FRMPD4: variants seen among roughly 807,000 people sequenced by gnomAD.
FRMPD4 encodes FERM and PDZ domain containing 4.
Under a neutral mutation model 94.1 loss-of-function variants are expected in FRMPD4, and 22 were observed. The observed-to-expected ratio is 0.23, with a 90% CI of 0.17 to 0.33. The LOEUF is 0.33. FRMPD4 is among the 10% of genes least tolerant of loss of function. FRMPD4 has a pLI of 1.00. For synonymous variants in FRMPD4, 631 were observed against 548.6 expected (o/e 1.15, Z -2.10); for missense variants, 1,111 against 1,339.9 (o/e 0.83, Z 2.67).
At chrX:12,477,787 T>C (rs142398766) in intron 1 of FRMPD4, among the ~76,000 whole-genome samples, 1,488 of 113,027 alleles carry the variant, frequency 0.013, 20 homozygotes, top group Non-Finnish European at 0.022. Flanking sequence ...TATGACTGTT[T>C]TGATGAGCTA....
At chrX:12,095,206 G>A (rs750329063) in intron 3 of FRMPD4, among the ~76,000 whole-genome samples, 1 of 110,292 alleles carries the variant, frequency 9.1e-6, no homozygotes, top group South Asian at 3.9e-4. Flanking sequence ...GTGAGACCCT[G>A]TCTCTATAAA....
At chrX:11,900,802 G>T (rs755801913) in intron 3 of FRMPD4, among the ~76,000 whole-genome samples, 2 of 111,361 alleles carry the variant, frequency 1.8e-5, no homozygotes, top group South Asian at 7.7e-4. Flanking sequence ...GAGAGGCTAA[G>T]ATGCTGTGAT....
chrX:12,303,287 T>C (rs1193133410), intron 1 of FRMPD4, among the ~76,000 whole-genome samples: 7 of 112,144 alleles, frequency 6.2e-5, no homozygotes, highest in Admixed American at 1.9e-4. Context: ...TAAGATCTTT[T>C]CCCACAAGCC....
intron 3 of FRMPD4, among the ~76,000 whole-genome samples, chrX:12,119,802 A>G (rs189424951): frequency 1.8e-5 from 2 of 112,412 alleles, no homozygotes; most frequent in East Asian, 5.5e-4. Flanking sequence ...CTATGTGCGG[A>G]GATATTCTTG....
At position 12,707,628 on chromosome X, in the gene FRMPD4, G is replaced by C; in HGVS notation, c.1447G>C (p.Glu483Gln). 1 of 1,206,574 alleles carries C rather than the reference G, an allele frequency of 8.3e-7. No homozygotes were observed. The highest frequency in any genetic ancestry group is 1.7e-5 in the African/African-American group (1 of 57,798). The change falls in exon 13 of 17, where the codon GAA becomes CAA. Residue 483 changes from glutamate to glutamine, a missense_variant. Physicochemically the swap from Glu to Gln is conservative, Grantham distance 29. Transcript: ENST00000675598. Reference protein sequence around the residue: ...FSEEESLVRVELHVLDVKPIT... With the variant: ...FSEEESLVRVQLHVLDVKPIT... ...CGAGGAGGAGAGCTTGGTGCGGGTAGAACTCCACGTGCTAGATGTGAAGGC... is the reference window on the plus strand; with the variant it reads ...CGAGGAGGAGAGCTTGGTGCGGGTACAACTCCACGTGCTAGATGTGAAGGC...
At chrX:12,416,751 T>C (rs1415159979) in intron 1 of FRMPD4, among the ~76,000 whole-genome samples, 1 of 111,991 alleles carries the variant, frequency 8.9e-6, no homozygotes, top group Non-Finnish European at 1.9e-5. Flanking sequence ...AAAAACATTT[T>C]TGAAGGTATC....
chrX:11,914,567 A>G (rs919610441), intron 3 of FRMPD4, among the ~76,000 whole-genome samples: 1 of 111,868 alleles, frequency 8.9e-6, no homozygotes, highest in Non-Finnish European at 1.9e-5. Flanking sequence ...AAGCAAAACC[A>G]ACTGGTGTCC....
rs752310876 is a variant in FRMPD4, at chrX:11,902,444, C to T, written c.95+24426C>T. 4.0e-4 allele frequency among the ~76,000 whole-genome samples: 45 copies of T among 111,685 alleles called. No homozygotes were observed. In the South Asian group the frequency reaches 6.5e-3, roughly 16 times the overall value. On this transcript the variant is annotated intron_variant, in intron 3 of 18. Coordinates refer to the FRMPD4 transcript ENST00000640291. ...GAGCTAGAGAGCAAGTGAGTGAGAA[C>T]GAGAGAGTGAGAACCCAAGAGAGCA... is the stretch of plus-strand genomic sequence containing the variant.
At chrX:12,664,474 T>C (rs1241338185) in intron 4 of FRMPD4, among the ~76,000 whole-genome samples, 1 of 112,374 alleles carries the variant, frequency 8.9e-6, no homozygotes, top group African/African-American at 3.2e-5. Flanking sequence ...GTGGTTTTTG[T>C]CATTGGCTAT....
intron 1 of FRMPD4, among the ~76,000 whole-genome samples, chrX:12,458,044 G>C (rs1033638359): frequency 2.7e-5 from 3 of 111,848 alleles, no homozygotes; most frequent in African/African-American, 9.7e-5. Flanking sequence ...GTGAACAACT[G>C]ATTTCCTTCT....
At chrX:12,720,277 G>C (rs968675176) in intron 16 of FRMPD4, among the ~76,000 whole-genome samples, 3 of 111,657 alleles carry the variant, frequency 2.7e-5, no homozygotes, top group Non-Finnish European at 3.8e-5. Flanking sequence ...GAAAATGTTT[G>C]GGATTTCTAG....
chrX:12,451,718 ATATGTGTG>A (rs1228730343), intron 1 of FRMPD4, among the ~76,000 whole-genome samples: 1 of 89,003 alleles, frequency 1.1e-5, no homozygotes, highest in Admixed American at 1.3e-4. Context: ...ACCCTCAGTG[ATATGTGTG>A]TATGCCCGTG....
At chrX:12,441,061 T>C (rs968268402) in intron 1 of FRMPD4, among the ~76,000 whole-genome samples, 2 of 112,368 alleles carry the variant, frequency 1.8e-5, no homozygotes, top group African/African-American at 3.2e-5. Flanking sequence ...CATTTGCATG[T>C]ATCTGCGAAT....
chrX:12,305,584 G>C (rs1164630213), intron 1 of FRMPD4, among the ~76,000 whole-genome samples: 1 of 104,784 alleles, frequency 9.5e-6, no homozygotes, highest in Non-Finnish European at 1.9e-5. Context: ...TTCAGACAGA[G>C]TCTCACTTTG....
intron 3 of FRMPD4, among the ~76,000 whole-genome samples, chrX:12,035,807 C>G (rs961426300): frequency 9.0e-6 from 1 of 111,640 alleles, no homozygotes; most frequent in African/African-American, 3.3e-5. Flanking sequence ...TAGGTAATTT[C>G]TGAAGAGCCT....
chrX:11,901,970 G>A (rs1243920038), intron 3 of FRMPD4, among the ~76,000 whole-genome samples: 2 of 111,589 alleles, frequency 1.8e-5, no homozygotes, highest in Non-Finnish European at 3.8e-5. Context: ...TTGTGGATTT[G>A]TTTGAGTTCC....
At chrX:12,329,245 G>A in intron 1 of FRMPD4, among the ~76,000 whole-genome samples, 1 of 111,808 alleles carries the variant, frequency 8.9e-6, no homozygotes, top group South Asian at 3.7e-4. Context: ...GGAATGGGGG[G>A]CCTTAGGACC....
At chrX:11,925,431 C>T (rs1397958898) in intron 3 of FRMPD4, among the ~76,000 whole-genome samples, 1 of 111,834 alleles carries the variant, frequency 8.9e-6, no homozygotes, top group Non-Finnish European at 1.9e-5. Context: ...ACTCTCTACC[C>T]CAAAACAACA....
intron 2 of FRMPD4, among the ~76,000 whole-genome samples, chrX:12,501,787 G>A (rs2057924741): frequency 9.0e-6 from 1 of 111,061 alleles, no homozygotes; most frequent in Non-Finnish European, 1.9e-5. Context: ...TGTGTTCAAA[G>A]TTAGAGTCTA....
Sources: allele counts gnomAD v4.1 joint callset (sites outside exome capture counted in the v4.1 genomes callset), GRCh38; gene constraint gnomAD v4.1.1; transcripts MANE v1.5; gene names NCBI Gene and HGNC (gene_info 2026-07-23, HGNC 2026-07-21).